Variants in TESK2 observed in about 807,000 individuals in gnomAD.
TESK2 encodes the protein dual specificity testis-specific protein kinase 2.
TESK2 carries 39 observed loss-of-function variants against 57.1 expected under a neutral mutation model. The ratio of observed to expected loss-of-function variants is 0.68; its 90% CI spans 0.53 to 0.89. The LOEUF (loss-of-function observed/expected upper bound fraction) is 0.89, where lower values mean the gene tolerates loss of function less well. Among genes scored for constraint, TESK2 ranks in the 40% least tolerant of loss-of-function variants. The pLI, the probability that TESK2 is intolerant of heterozygous loss-of-function variation, is 0.00. For synonymous variants in TESK2, 249 were observed against 267.9 expected (o/e 0.93, Z 0.69); for missense variants, 646 against 732.1 (o/e 0.88, Z 1.36).
intron 3 of TESK2, among the ~76,000 whole-genome samples, chr1:45,408,604 A>C (rs193110770): frequency 1.3e-3 from 198 of 152,344 alleles, no homozygotes; most frequent in Non-Finnish European, 2.2e-3. Flanking sequence ...ATATTGCCAA[A>C]GCCAAATACT....
intron 3 of TESK2, among the ~76,000 whole-genome samples, chr1:45,398,292 A>G (rs1174867182): frequency 6.6e-6 from 1 of 151,682 alleles, no homozygotes; most frequent in Admixed American, 6.6e-5. Flanking sequence ...ATTTCCAATC[A>G]TAATTAATCT....
intron 4 of TESK2, among the ~76,000 whole-genome samples, chr1:45,369,122 G>A (rs1303375579): frequency 5.9e-5 from 9 of 152,188 alleles, no homozygotes; most frequent in African/African-American, 2.2e-4. Context: ...TTGTATCCAA[G>A]CCTTGTGACC....
chr1:45,487,628 T>A (rs770778946), intron 1 of TESK2, among the ~76,000 whole-genome samples: 31 of 152,338 alleles, frequency 2.0e-4, no homozygotes, highest in Non-Finnish European at 4.0e-4. Context: ...TTTCTGATTG[T>A]CTTTTTATTC....
rs534725458 is a variant in TESK2 at position 45,415,335 on chromosome 1, A to T, written c.344+6390T>A. ...AGGAGATCACCATTGCTGACTGTGGACAACTCTAATAAATTTGACTTGTGT... is the reference window on the plus strand; with the variant it reads ...AGGAGATCACCATTGCTGACTGTGGTCAACTCTAATAAATTTGACTTGTGT... On this transcript the variant is annotated intron_variant, in intron 3 of 10. Transcript: ENST00000372086. 146 of 1,091,210 alleles carry T rather than the reference A, an allele frequency of 1.3e-4. No individual in the cohort carries two copies. In the African/African-American group the frequency reaches 2.0e-3, roughly 15 times the overall value. 67.6% of individuals were successfully genotyped at this position (1,091,210 alleles called of 1,614,324 possible).
intron 2 of TESK2, among the ~76,000 whole-genome samples, chr1:45,451,115 C>T (rs1413077966): frequency 6.6e-6 from 1 of 152,214 alleles, no homozygotes; most frequent in Non-Finnish European, 1.5e-5. Flanking sequence ...GGTGCCTCAT[C>T]AGCATGGACA....
intron 5 of TESK2, among the ~76,000 whole-genome samples, chr1:45,354,975 G>A (rs930996404): frequency 2.0e-5 from 3 of 151,386 alleles, no homozygotes; most frequent in African/African-American, 7.3e-5. Context: ...TTTGCAGCCA[G>A]GAGTTCAAGA....
intron 4 of TESK2, among the ~76,000 whole-genome samples, chr1:45,374,769 C>G (rs1315277176): frequency 2.0e-5 from 3 of 152,178 alleles, no homozygotes; most frequent in African/African-American, 7.2e-5. Flanking sequence ...ATATCTCAAA[C>G]TGAACCTATT....
intron 4 of TESK2, among the ~76,000 whole-genome samples, chr1:45,366,657 G>A (rs575150679): frequency 1.3e-5 from 2 of 152,226 alleles, no homozygotes; most frequent in African/African-American, 4.8e-5. Flanking sequence ...GTAAAACTCA[G>A]TGAAATTGTT....
In TESK2 at chr1:45,415,863, G is replaced by A. The variant is rs79922726; in HGVS notation, c.344+5862C>T. ...CAAGCTTGTCCAACCCACAGCCCAT[G>A]GGCCACATGTAGCCCAGAATGGCTT... On this transcript the variant is annotated intron_variant, in intron 3 of 10. Transcript: ENST00000372086. 1.5e-3 allele frequency among the ~76,000 whole-genome samples: 222 copies of A among 152,150 alleles called. 8 individuals carry two copies. In the East Asian group the frequency reaches 0.037, roughly 25 times the overall value.
At chr1:45,390,871 G>C (rs1649106973) in intron 3 of TESK2, among the ~76,000 whole-genome samples, 2 of 150,210 alleles carry the variant, frequency 1.3e-5, no homozygotes, top group South Asian at 2.1e-4. Context: ...GCTTCCTAAA[G>C]TGCTGAGCTT....
At chr1:45,486,818 C>CACACACAT (rs796420228) in intron 1 of TESK2, among the ~76,000 whole-genome samples, 21 of 140,250 alleles carry the variant, frequency 1.5e-4, no homozygotes, top group African/African-American at 4.8e-4. Flanking sequence ...CACACACACA[C>CACACACAT]ATATATACAT....
At chr1:45,395,307 G>C (rs1376942580) in intron 3 of TESK2, among the ~76,000 whole-genome samples, 1 of 152,126 alleles carries the variant, frequency 6.6e-6, no homozygotes, top group African/African-American at 2.4e-5. Context: ...AGAGTCTATT[G>C]ATCCTAGGCT....
chr1:45,413,893 T>C (rs1203538813), intron 3 of TESK2: 1 of 454,286 alleles, frequency 2.2e-6, no homozygotes, highest in Non-Finnish European at 4.4e-6. Flanking sequence ...GCTTATAATG[T>C]TTACAGCTTG....
intron 2 of TESK2, among the ~76,000 whole-genome samples, chr1:45,456,245 G>T (rs777252407): frequency 1.3e-5 from 2 of 151,882 alleles, no homozygotes; most frequent in Non-Finnish European, 2.9e-5. Flanking sequence ...TAGGTTGGGC[G>T]CGGTGGCTCA....
At chr1:45,430,382 T>C (rs1345152100) in intron 2 of TESK2, among the ~76,000 whole-genome samples, 1 of 152,040 alleles carries the variant, frequency 6.6e-6, no homozygotes, top group African/African-American at 2.4e-5. Context: ...TCCCAGCTAC[T>C]CAGGAGGCTG....
At chr1:45,471,838 T>C (rs927838959) in intron 1 of TESK2, among the ~76,000 whole-genome samples, 1 of 152,130 alleles carries the variant, frequency 6.6e-6, no homozygotes, top group Admixed American at 6.6e-5. Flanking sequence ...GGCTGGACTT[T>C]ACAGGCATGA....
chr1:45,426,870 C>T (rs1391252022), intron 2 of TESK2, among the ~76,000 whole-genome samples: 2 of 152,138 alleles, frequency 1.3e-5, no homozygotes, highest in African/African-American at 2.4e-5. Context: ...CTGATCATCA[C>T]AGAAATGCAA....
rs1227764599 is a variant in TESK2, at chr1:45,457,779, G to A, written c.7C>T (p.Arg3Trp). The change falls in exon 2 of 11, where the codon CGG (arginine) becomes TGG (tryptophan). Residue 3 changes from arginine (R) to tryptophan (W), a missense_variant. Transcript: ENST00000372086. MD[R>W]SKRNSIAGFP... The stretch of plus-strand genomic sequence containing the variant: ...CCTGCAATTGAATTCCGTTTGCTCC[G>A]ATCCATAGTCTAAATAATCACTTTT... The A allele has an allele frequency of 1.6e-5, 26 of 1,613,570 alleles. No homozygotes were observed. Among genetic ancestry groups the A allele is most frequent in the South Asian group, 1.1e-4 (10 of 91,048 alleles).
At chr1:45,453,606 G>A (rs2149298489) in intron 2 of TESK2, among the ~76,000 whole-genome samples, 1 of 152,178 alleles carries the variant, frequency 6.6e-6, no homozygotes, top group East Asian at 1.9e-4. Flanking sequence ...AAACATTGTG[G>A]AAAATCTTCA....
Sources: allele counts gnomAD v4.1 joint callset (sites outside exome capture counted in the v4.1 genomes callset), GRCh38; gene constraint gnomAD v4.1.1; transcripts MANE v1.5; gene names NCBI Gene and HGNC (gene_info 2026-07-23, HGNC 2026-07-21).